The following CDCA4 variants were observed in gnomAD, a reference collection of about 807,000 sequenced individuals.
CDCA4 encodes the protein cell division cycle associated 4.
For missense variants in CDCA4, 294 were observed against 322.1 expected (o/e 0.91, Z 0.67); for synonymous variants, 130 against 137.0 (o/e 0.95, Z 0.36).
Position 105,014,609 on chromosome 14 carries a change from G to A in CDCA4, c.-6-2674C>T, listed in dbSNP as rs116233381. On this transcript the variant is annotated intron_variant, in intron 1 of 1. Coordinates refer to ENST00000336219, the MANE Select transcript of CDCA4 (RefSeq NM_017955.4). ...TTTCTATTACTTTTGGTAAATATTCGAGTTCTTTGTGTCAGCCACAAATTT... is the reference window on the plus strand; with the variant it reads ...TTTCTATTACTTTTGGTAAATATTCAAGTTCTTTGTGTCAGCCACAAATTT... Among the ~76,000 whole-genome samples, 358 of 152,256 alleles carry A rather than the reference G, an allele frequency of 2.4e-3. 3 individuals carry two copies. Among genetic ancestry groups the A allele is most frequent in the African/African-American group, 8.2e-3 (342 of 41,534 alleles).
chr14:105,014,702 G>C (rs1347037490), intron 1 of CDCA4, among the ~76,000 whole-genome samples: 2 of 152,096 alleles, frequency 1.3e-5, no homozygotes, highest in Non-Finnish European at 2.9e-5. Context: ...TAAGTATATC[G>C]AGAATTAACA....
chr14:105,017,225 T>A (rs1309068959), intron 1 of CDCA4, among the ~76,000 whole-genome samples: 1 of 151,816 alleles, frequency 6.6e-6, no homozygotes, highest in Non-Finnish European at 1.5e-5. Context: ...AAGCATTCTT[T>A]TTTTTTTTAG....
chr14:105,018,753 T>A (rs1188058440), intron 1 of CDCA4, among the ~76,000 whole-genome samples: 45 of 151,490 alleles, frequency 3.0e-4, no homozygotes, highest in African/African-American at 1.0e-3. Context: ...TTTTTTTTTT[T>A]TAAGACAGAG....
chr14:105,015,410 G>A (rs1158710175), intron 1 of CDCA4, among the ~76,000 whole-genome samples: 2 of 152,242 alleles, frequency 1.3e-5, no homozygotes, highest in Non-Finnish European at 2.9e-5. Flanking sequence ...AGAACTCTCA[G>A]CCATTATCTG....
chr14:105,019,820 G>A (rs11848239), intron 1 of CDCA4, among the ~76,000 whole-genome samples: 39,706 of 152,026 alleles, frequency 0.26, 8,332 homozygotes, highest in African/African-American at 0.58. Context: ...CGATTCTCCT[G>A]CCTCAGCCTC....
At chr14:105,018,098 A>C (rs1886134515) in intron 1 of CDCA4, among the ~76,000 whole-genome samples, 1 of 151,808 alleles carries the variant, frequency 6.6e-6, no homozygotes, top group South Asian at 2.1e-4. Flanking sequence ...AGGGTGGGAA[A>C]TGCTACAAGG....
intron 1 of CDCA4, among the ~76,000 whole-genome samples, chr14:105,019,714 G>T (rs12878254): frequency 0.26 from 39,234 of 151,346 alleles, 8,151 homozygotes; most frequent in African/African-American, 0.58. Flanking sequence ...CAGGTATTTG[G>T]TTTTTTTTGT....
Position 105,011,864 on chromosome 14 carries a change from G to A in CDCA4, c.66C>T (p.Ala22=), listed in dbSNP as rs143314664. The stretch of plus-strand genomic sequence containing the variant: ...TGTATGAGGACACTGTCTTCAAGCC[G>A]GCCAGGGCTCCCTCCACGTCTTCCT... ...GHEEDVEGAL[A]GLKTVSSYSL... The change falls in exon 2 of 2, where the codon GCC becomes GCT. Residue 22 remains alanine, a synonymous_variant. Coordinates refer to ENST00000336219, the MANE Select transcript of CDCA4 (RefSeq NM_017955.4). 5.8e-4 allele frequency: 943 copies of A among 1,613,936 alleles called. 10 individuals carry two copies. In the African/African-American group the frequency reaches 0.01, roughly 18 times the overall value.
chr14:105,019,171 C>G (rs1318095607), intron 1 of CDCA4, among the ~76,000 whole-genome samples: 1 of 152,104 alleles, frequency 6.6e-6, no homozygotes, highest in East Asian at 1.9e-4. Context: ...AACCAAGCAC[C>G]GACCAGACAG....
chr14:105,012,535 G>T (rs1421136999), intron 1 of CDCA4, among the ~76,000 whole-genome samples: 1 of 152,238 alleles, frequency 6.6e-6, no homozygotes, highest in African/African-American at 2.4e-5. Context: ...CAGCCGGGCT[G>T]GAAAGCTGTG....
chr14:105,015,684 TTTGTTG>T (rs201117401), intron 1 of CDCA4, among the ~76,000 whole-genome samples: 1 of 152,078 alleles, frequency 6.6e-6, no homozygotes, highest in South Asian at 2.1e-4. Flanking sequence ...GCCCCACTTC[TTTGTTG>T]TTGTTGTTGT....
intron 1 of CDCA4, among the ~76,000 whole-genome samples, 174 bp downstream of exon 1, chr14:105,020,825 G>A (rs1032022705): frequency 2.6e-5 from 4 of 151,818 alleles, no homozygotes; most frequent in Non-Finnish European, 5.9e-5. Context: ...CAGCGCCCAG[G>A]AGGGCGGCGA....
intron 1 of CDCA4, among the ~76,000 whole-genome samples, chr14:105,017,081 G>A (rs570835565): frequency 1.4e-4 from 22 of 152,318 alleles, no homozygotes; most frequent in African/African-American, 5.1e-4. Context: ...CTATCACACC[G>A]AAAAGAAATT....
At chr14:105,012,473 G>A (rs1900532596) in intron 1 of CDCA4, among the ~76,000 whole-genome samples, 1 of 152,240 alleles carries the variant, frequency 6.6e-6, no homozygotes, top group African/African-American at 2.4e-5. Flanking sequence ...GTTCAGAAGA[G>A]TTAGTGCCTT....
intron 1 of CDCA4, among the ~76,000 whole-genome samples, chr14:105,016,373 A>G (rs2140910647): frequency 6.6e-6 from 1 of 152,258 alleles, no homozygotes; most frequent in South Asian, 2.1e-4. Context: ...ACCAGTTTCT[A>G]ACTTTAGGTG....
At chr14:105,016,687 T>C (rs957243632) in intron 1 of CDCA4, among the ~76,000 whole-genome samples, 3 of 152,220 alleles carry the variant, frequency 2.0e-5, no homozygotes, top group African/African-American at 7.2e-5. Flanking sequence ...GGCCTCCCTG[T>C]GTAGGTCCTT....
rs745420532 is a variant in CDCA4, at chr14:105,010,654, CA to C, written c.*549del. 6.6e-6 allele frequency: 1 copy of C among 152,628 alleles called. No individual in the cohort carries two copies. Among genetic ancestry groups the C allele is most frequent in the East Asian group, 1.9e-4 (1 of 5,196 alleles). The allele number at this position is 152,628 out of a possible 1,614,324, so 9.5% of individuals were successfully genotyped here. On this transcript the variant is annotated 3_prime_UTR_variant, in exon 2 of 2. Transcript: ENST00000336219. ...GCTCACTGCAAAAAACAAAACAAAA[CA>C]AAAAACCCTTATTTAAACCTTAAAA...
intron 1 of CDCA4, among the ~76,000 whole-genome samples, chr14:105,012,559 G>A (rs1566938507): frequency 6.6e-6 from 1 of 152,234 alleles, no homozygotes; most frequent in South Asian, 2.1e-4. Flanking sequence ...CCAGGAACGC[G>A]CAGGGGAAGG....
intron 1 of CDCA4, among the ~76,000 whole-genome samples, chr14:105,020,289 G>A (rs910438039): frequency 7.2e-5 from 11 of 152,202 alleles, no homozygotes; most frequent in Non-Finnish European, 1.3e-4. Context: ...TTGAGAGAAC[G>A]GTTATCTGGG....
Sources: allele counts gnomAD v4.1 joint callset (sites outside exome capture counted in the v4.1 genomes callset), GRCh38; gene constraint gnomAD v4.1.1; transcripts MANE v1.5; gene names NCBI Gene and HGNC (gene_info 2026-07-23, HGNC 2026-07-21).